Variants in CFAP46 observed in about 807,000 individuals in gnomAD.
CFAP46 encodes the protein cilia- and flagella-associated protein 46.
A neutral mutation model predicts 325.7 loss-of-function variants in CFAP46; 245 were observed. The observed-to-expected ratio is 0.75, with a 90% CI of 0.68 to 0.84. CFAP46 has a LOEUF of 0.84. Among genes scored for constraint, CFAP46 ranks in the 40% least tolerant of loss-of-function variants. CFAP46 has a pLI of 0.00. For missense variants in CFAP46, 3,346 were observed against 3,543.0 expected (o/e 0.94, Z 1.41); for synonymous variants, 1,523 against 1,495.9 (o/e 1.02, Z -0.42).
chr10:132,915,636 C>T (rs117162296), intron 17 of CFAP46, among the ~76,000 whole-genome samples: 6,240 of 151,606 alleles, frequency 0.041, 187 homozygotes, highest in Non-Finnish European at 0.062. Context: ...CCGGCGAGGG[C>T]GGGGTGCCGT....
chr10:132,880,491 T>TGAGGTGCTCA (rs1849023038), intron 28 of CFAP46, among the ~76,000 whole-genome samples: 1 of 152,070 alleles, frequency 6.6e-6, no homozygotes, highest in Admixed American at 6.5e-5. Flanking sequence ...TGAGGTGCTC[T>TGAGGTGCTCA]GGACCCCCGC....
chr10:132,810,816 C>T (rs976301467), intron 56 of CFAP46, 134 bp downstream of exon 56: 6 of 842,430 alleles, frequency 7.1e-6, no homozygotes, highest in Admixed American at 2.0e-5. Flanking sequence ...TGCTGGAACG[C>T]ATGTGCACCC....
chr10:132,813,761 G>A (rs892428124), intron 54 of CFAP46, among the ~76,000 whole-genome samples: 10 of 152,046 alleles, frequency 6.6e-5, no homozygotes, highest in African/African-American at 1.9e-4. Flanking sequence ...CCTCCCACCC[G>A]TGGTGCTCTC....
chr10:132,913,620 C>G lies in CFAP46; in HGVS notation c.2121-362G>C, dbSNP rs188687702. On this transcript the variant is annotated intron_variant, in intron 17 of 57. Coordinates refer to ENST00000368586, the MANE Select transcript of CFAP46 (RefSeq NM_001200049.3). ...TCCACCCAGCCAGTCCGTGGAAAAA[C>G]TGTCTCCCACGAAACCAGTCCCTGG... Among the ~76,000 whole-genome samples, 6 of 152,342 alleles carry G rather than the reference C, an allele frequency of 3.9e-5. No homozygotes were observed. In the East Asian group the frequency reaches 1.2e-3, roughly 29 times the overall value.
At position 132,889,560 on chromosome 10, in the gene CFAP46, G is replaced by T. The variant is rs569204471; in HGVS notation, c.3304+2773C>A. On this transcript the variant is annotated intron_variant, in intron 25 of 57. Transcript: ENST00000368586. The surrounding 1 kb of genome is among the most constrained non-coding windows in gnomAD (Gnocchi z 6.0). ...GAACTTGGAAACCACACATAGGGTC[G>T]CAGGGAGTCCTCTTCAATCCTGCCT... Among the ~76,000 whole-genome samples, 1 of 152,178 alleles carries T rather than the reference G, an allele frequency of 6.6e-6. No individual in the cohort carries two copies. The highest frequency in any genetic ancestry group is 1.5e-5 in the Non-Finnish European group (1 of 68,026).
At chr10:132,893,556 T>C (rs1013387944) in intron 24 of CFAP46, among the ~76,000 whole-genome samples, 5 of 152,174 alleles carry the variant, frequency 3.3e-5, no homozygotes, top group Non-Finnish European at 7.3e-5. Context: ...TTCTACCCAA[T>C]AAAATCCTGC....
chr10:132,880,118 A>G (rs1214190977), intron 28 of CFAP46, among the ~76,000 whole-genome samples: 2 of 150,534 alleles, frequency 1.3e-5, no homozygotes, highest in African/African-American at 2.4e-5. Flanking sequence ...GTGTGCATGT[A>G]TGTGTGTGTG....
Position 132,835,452 on chromosome 10 carries a change from C to T in CFAP46, c.6614-18G>A. On this transcript the variant is annotated intron_variant, in intron 46 of 57. Coordinates refer to ENST00000368586, the MANE Select transcript of CFAP46 (RefSeq NM_001200049.3). ...GCAGGAGCCTGTGGGGACATGGACACACCCTCTGTCGCTGCCCAGGGCTGA... is the reference window on the plus strand; with the variant it reads ...GCAGGAGCCTGTGGGGACATGGACATACCCTCTGTCGCTGCCCAGGGCTGA... The T allele has an allele frequency of 6.2e-7, 1 of 1,613,164 alleles. No homozygotes were observed. Among genetic ancestry groups the T allele is most frequent in the Non-Finnish European group, 8.5e-7 (1 of 1,179,774 alleles).
chr10:132,849,471 C>T (rs73391267), intron 41 of CFAP46, among the ~76,000 whole-genome samples: 8,418 of 152,210 alleles, frequency 0.055, 540 homozygotes, highest in African/African-American at 0.15. Flanking sequence ...TGTGTGGGGA[C>T]GAGCCCAGCT....
Position 132,918,470 on chromosome 10 carries a change from G to A in CFAP46, c.1909C>T (p.Pro637Ser). Residue 637 changes from proline to serine, a missense_variant, in exon 16 of 58, where the codon CCT (proline) becomes TCT (serine). Pro to Ser is a moderately conservative substitution (Grantham distance 74). Coordinates refer to ENST00000368586, the MANE Select transcript of CFAP46 (RefSeq NM_001200049.3). ...DGSVQDTWSQ[P>S]EVVLQRQVCP... ...ACCTGCCTCTGCAGGACGACCTCAGGCTGGCTCCAGGTGTCCTGCACCGAG... is the reference window on the plus strand; with the variant it reads ...ACCTGCCTCTGCAGGACGACCTCAGACTGGCTCCAGGTGTCCTGCACCGAG... 6.5e-7 allele frequency: 1 copy of A among 1,548,274 alleles called. No individual in the cohort carries two copies. Among genetic ancestry groups the A allele is most frequent in the Non-Finnish European group, 8.7e-7 (1 of 1,145,220 alleles).
intron 52 of CFAP46, 33 bp from the exon 53 acceptor site, chr10:132,814,645 G>A (rs766737745): frequency 1.3e-5 from 20 of 1,582,012 alleles, no homozygotes; most frequent in Admixed American, 3.7e-5. Flanking sequence ...CGGGAGCACA[G>A]GGCGGGGTCT....
intron 8 of CFAP46, among the ~76,000 whole-genome samples, chr10:132,931,165 A>C (rs1296852172): frequency 1.4e-5 from 1 of 71,336 alleles, no homozygotes; most frequent in Admixed American, 1.5e-4. Flanking sequence ...CCTCCTCGCC[A>C]CACAGAGCCT....
intron 50 of CFAP46, among the ~76,000 whole-genome samples, chr10:132,824,415 C>T (rs1847985311): frequency 8.3e-6 from 1 of 120,704 alleles, no homozygotes; most frequent in Non-Finnish European, 1.6e-5. Context: ...GTTTTGTGTG[C>T]TGTGTGAGTG....
In CFAP46 at chr10:132,833,347, G is replaced by A. The variant is rs777234408; in HGVS notation, c.7117+11C>T. 22 of 1,607,628 alleles carry A rather than the reference G, an allele frequency of 1.4e-5. 1 individual carries two copies. In the South Asian group the frequency reaches 2.4e-4, roughly 18 times the overall value. On this transcript the variant is annotated intron_variant, in intron 50 of 57. Transcript: ENST00000368586. ...AAATTACACATTAAGGTGGCTGAGG[G>A]CAGTTCCTACCTGTCTCTTCTTTAT...
At chr10:132,845,944 AGCTGGGGGGTGAGCAAG>A (rs1848427042) in intron 44 of CFAP46, 96 bp downstream of exon 44, 13 of 1,197,058 alleles carry the variant, frequency 1.1e-5, no homozygotes, top group Non-Finnish European at 1.5e-5. Flanking sequence ...ATGGCTCATG[AGCTGGGGGGTGAGCAAG>A]GCTGCCTCGC....
At chr10:132,839,284 A>G (rs771533774) in intron 44 of CFAP46, among the ~76,000 whole-genome samples, 1 of 152,184 alleles carries the variant, frequency 6.6e-6, no homozygotes, top group Non-Finnish European at 1.5e-5. Context: ...GCGCAGCCCC[A>G]GGTCCCCACA....
Position 132,916,609 on chromosome 10 carries a change from T to C in CFAP46, c.2060A>G (p.Gln687Arg). ...CTCAGGCACGTAGCCAGCTGGGTGC[T>C]GGCTCAGGTCTTCGGGGGGGATGGC... ...DRAIPPEDLSQHPAGYVPEPP... is the reference protein window; with the variant it reads ...DRAIPPEDLSRHPAGYVPEPP... The change falls in exon 17 of 58, where the codon CAG (glutamine) becomes CGG (arginine). Residue 687 changes from glutamine (Q) to arginine (R), a missense_variant. Transcript: ENST00000368586. 6.5e-7 allele frequency: 1 copy of C among 1,545,934 alleles called. No homozygotes were observed. The highest frequency in any genetic ancestry group is 8.7e-7 in the Non-Finnish European group (1 of 1,144,778).
chr10:132,934,792 G>A lies in CFAP46; in HGVS notation c.826C>T (p.His276Tyr). 1 of 1,612,590 alleles carries A rather than the reference G, an allele frequency of 6.2e-7. No homozygotes were observed. The highest frequency in any genetic ancestry group is 1.3e-5 in the African/African-American group (1 of 75,010). ...ILRKAYRHLG[H>Y]YNHQRFPSIS... ...GAGGGAAAGCGCTGGTGGTTGTAAT[G>A]ACCTAAGTGTCTGTAGGCCTTCCTC... The change falls in exon 8 of 58, where the codon CAT (histidine) becomes TAT (tyrosine). Residue 276 changes from histidine (H) to tyrosine (Y), a missense_variant. Physicochemically the swap from His to Tyr is moderately conservative, Grantham distance 83 (BLOSUM62 2). Transcript: ENST00000368586.
At chr10:132,885,426 G>A (rs928640130) in intron 26 of CFAP46, 140 bp from the exon 27 acceptor site, 29 of 802,936 alleles carry the variant, frequency 3.6e-5, no homozygotes, top group East Asian at 1.9e-4. Context: ...CGGGGGTCTC[G>A]GGGCTACGCG....
Sources: gnomAD v4.1 joint callset for allele counts (sites outside exome capture counted in the v4.1 genomes callset) on GRCh38, gnomAD v4.1.1 for gene constraint, Gnocchi (gnomAD v3.1) non-coding constraint, MANE v1.5 for transcripts, NCBI Gene and HGNC (gene_info 2026-07-23, HGNC 2026-07-21) for gene names.